The following ADGRL3 variants were observed in gnomAD, a reference collection of about 807,000 sequenced individuals.
The protein encoded by ADGRL3 is adhesion G protein-coupled receptor L3.
In ADGRL3, 62 loss-of-function variants were observed where a neutral mutation model predicts 153.5. The ratio of observed to expected loss-of-function variants is 0.40; its 90% CI spans 0.33 to 0.50. The LOEUF (loss-of-function observed/expected upper bound fraction) is 0.50, where lower values mean the gene tolerates loss of function less well. ADGRL3 is among the 20% of genes least tolerant of loss of function. The pLI, the probability that ADGRL3 is intolerant of heterozygous loss-of-function variation, is 0.47. For missense variants in ADGRL3, 1,641 were observed against 1,859.4 expected, an observed-to-expected ratio of 0.88 and a Z score of 2.16; for synonymous variants, 710 against 672.5, an observed-to-expected ratio of 1.06 and a Z score of -0.86.
intron 2 of ADGRL3, among the ~76,000 whole-genome samples, chr4:61,450,685 C>A (rs1414592907): frequency 6.6e-6 from 1 of 151,830 alleles, no homozygotes; most frequent in African/African-American, 2.4e-5. Context: ...AACACAGATC[C>A]CAAAAATCAT....
At chr4:61,518,186 A>G (rs573426602) in intron 4 of ADGRL3, among the ~76,000 whole-genome samples, 2 of 152,162 alleles carry the variant, frequency 1.3e-5, no homozygotes, top group Non-Finnish European at 2.9e-5. Flanking sequence ...TTTTTTATTT[A>G]CATAATATTT....
intron 21 of ADGRL3, among the ~76,000 whole-genome samples, chr4:62,027,296 G>A (rs892467572): frequency 4.6e-5 from 7 of 151,604 alleles, no homozygotes; most frequent in African/African-American, 9.7e-5. Context: ...TTGGATTTCC[G>A]TTTCTTGGCT....
chr4:61,399,442 C>G (rs1354773653), intron 2 of ADGRL3, among the ~76,000 whole-genome samples: 1 of 151,460 alleles, frequency 6.6e-6, no homozygotes, highest in African/African-American at 2.4e-5. Context: ...TGATATATAA[C>G]AAAATTATTA....
intron 2 of ADGRL3, among the ~76,000 whole-genome samples, chr4:61,428,886 A>T (rs2097317248): frequency 1.1e-5 from 1 of 87,064 alleles, no homozygotes; most frequent in Non-Finnish European, 2.8e-5. Flanking sequence ...TCATCTATCT[A>T]TCTATATCAT....
chr4:61,609,928 G>A (rs2099046569), intron 5 of ADGRL3, among the ~76,000 whole-genome samples: 2 of 151,668 alleles, frequency 1.3e-5, no homozygotes, highest in South Asian at 4.2e-4. Flanking sequence ...TATATAATAG[G>A]TACCAAAGAT....
intron 23 of ADGRL3, among the ~76,000 whole-genome samples, chr4:62,037,498 GTA>G (rs1190674875): frequency 6.6e-6 from 1 of 152,122 alleles, no homozygotes; most frequent in Non-Finnish European, 1.5e-5. Context: ...GAATGTGTGT[GTA>G]TAAGTGTGTG....
At chr4:61,884,524 A>C (rs886598530) in intron 9 of ADGRL3, among the ~76,000 whole-genome samples, 1 of 152,290 alleles carries the variant, frequency 6.6e-6, no homozygotes, top group Admixed American at 6.5e-5. Flanking sequence ...ATCCTTACTT[A>C]GGGGATTTAA....
intron 25 of ADGRL3, among the ~76,000 whole-genome samples, chr4:62,057,200 A>G (rs1737503175): frequency 6.6e-6 from 1 of 152,110 alleles, no homozygotes; most frequent in African/African-American, 2.4e-5. Context: ...TTTACTTTAC[A>G]GTTTCAAAGC....
intron 8 of ADGRL3, among the ~76,000 whole-genome samples, chr4:61,776,151 C>G (rs113571035): frequency 6.6e-6 from 1 of 152,152 alleles, no homozygotes; most frequent in Non-Finnish European, 1.5e-5. Context: ...CCACCCGCCT[C>G]GGCCTCCCAA....
chr4:61,610,934 T>G (rs980050795), intron 5 of ADGRL3, among the ~76,000 whole-genome samples: 2 of 152,312 alleles, frequency 1.3e-5, no homozygotes, highest in Non-Finnish European at 2.9e-5. Context: ...TATCAAGATC[T>G]TTTAATATTC....
chr4:61,818,836 G>C lies in ADGRL3; in HGVS notation c.1480+4947G>C, dbSNP rs114576890. Among the ~76,000 whole-genome samples, 1,181 of 152,194 alleles carry C rather than the reference G, an allele frequency of 7.8e-3. 17 individuals carry two copies. Among genetic ancestry groups the C allele is most frequent in the African/African-American group, 0.027 (1,132 of 41,506 alleles). Reference sequence around the variant, plus strand: ...TGATTAATTGTTCAATCCAATTGCAGTTATAATCACTAGCTCATGTGACCC... The same window carrying C: ...TGATTAATTGTTCAATCCAATTGCACTTATAATCACTAGCTCATGTGACCC... On this transcript the variant is annotated intron_variant, in intron 9 of 26. Coordinates refer to ENST00000683033, the MANE Select transcript of ADGRL3 (RefSeq NM_001387552.1).
At chr4:61,861,882 C>G (rs910895122) in intron 9 of ADGRL3, among the ~76,000 whole-genome samples, 7 of 152,078 alleles carry the variant, frequency 4.6e-5, no homozygotes, top group African/African-American at 1.7e-4. Flanking sequence ...AGCGGAACAC[C>G]TGCATGTGGC....
rs2098324177 is a variant in ADGRL3 at position 61,859,994 on chromosome 4, T to G, written c.1481-32662T>G. Among the ~76,000 whole-genome samples, 2 of 152,132 alleles carry G rather than the reference T, an allele frequency of 1.3e-5. 1 individual carries two copies. The highest frequency in any genetic ancestry group is 2.9e-5 in the Non-Finnish European group (2 of 68,016). ...CAACACTATACTAAAAGTGAAGAAA[T>G]ATTTCTCAAAATAAAAATCCTTATA... On this transcript the variant is annotated intron_variant, in intron 9 of 26. Coordinates refer to ENST00000683033, the MANE Select transcript of ADGRL3 (RefSeq NM_001387552.1).
chr4:62,007,405 T>TACACACAC (rs1400297678), intron 21 of ADGRL3, among the ~76,000 whole-genome samples: 3 of 78,772 alleles, frequency 3.8e-5, no homozygotes, highest in African/African-American at 9.3e-5. Flanking sequence ...CATATATATA[T>TACACACAC]ACACGTATAT....
intron 5 of ADGRL3, among the ~76,000 whole-genome samples, chr4:61,590,651 A>G (rs1266298056): frequency 6.6e-6 from 1 of 152,148 alleles, no homozygotes; most frequent in Non-Finnish European, 1.5e-5. Context: ...AGAAAACTCA[A>G]CTATACCATT....
Position 61,421,089 on chromosome 4 carries a change from T to C in ADGRL3, c.-174+37900T>C, listed in dbSNP as rs549094407. On this transcript the variant is annotated intron_variant, in intron 2 of 26. Transcript: ENST00000683033. ...ACTTTGGGAGGCCGAGGTGGGTGGA[T>C]CACCTGAGGCCGAGGTGGGCGGATC... is the stretch of plus-strand genomic sequence containing the variant. Among the ~76,000 whole-genome samples, 4 of 152,108 alleles carry C rather than the reference T, an allele frequency of 2.6e-5. No homozygotes were observed. In the East Asian group the frequency reaches 7.8e-4, roughly 30 times the overall value.
chr4:61,647,323 C>T (rs1253093866), intron 5 of ADGRL3, among the ~76,000 whole-genome samples: 1 of 152,030 alleles, frequency 6.6e-6, no homozygotes, highest in African/African-American at 2.4e-5. Flanking sequence ...TTTAAAATTG[C>T]CTAAAAACTT....
At chr4:61,452,340 C>CTGCCCAGTTCTGCTTCCCTTT (rs2097686015) in intron 2 of ADGRL3, among the ~76,000 whole-genome samples, 1 of 121,848 alleles carries the variant, frequency 8.2e-6, no homozygotes, top group Non-Finnish European at 1.9e-5. Flanking sequence ...TGCTTCCCTT[C>CTGCCCAGTTCTGCTTCCCTTT]TGCCCAGTTC....
Position 61,423,704 on chromosome 4 carries a change from A to C in ADGRL3, c.-174+40515A>C, listed in dbSNP as rs1000602922. Among the ~76,000 whole-genome samples the C allele has an allele frequency of 1.3e-3, 191 of 152,130 alleles. 6 individuals are homozygous for C. The highest frequency in any genetic ancestry group is 8.8e-5 in the Non-Finnish European group (6 of 68,030). On this transcript the variant is annotated intron_variant, in intron 2 of 26. Transcript: ENST00000683033. Reference sequence around the variant, plus strand: ...TTAGTAGGAGAGGGTCATGATTGTGAGAGGTTTCAGACTTTTAAAGCCTGC... The same window carrying C: ...TTAGTAGGAGAGGGTCATGATTGTGCGAGGTTTCAGACTTTTAAAGCCTGC...
Sources: gnomAD v4.1 joint callset for allele counts (sites outside exome capture counted in the v4.1 genomes callset) on GRCh38, gnomAD v4.1.1 for gene constraint, MANE v1.5 for transcripts, NCBI Gene and HGNC (gene_info 2026-07-23, HGNC 2026-07-21) for gene names.